Variants in PRSS54 observed in about 807,000 individuals in gnomAD.
PRSS54 encodes the protein serine protease 54, also known as inactive serine protease 54.
A neutral mutation model predicts 19.9 loss-of-function variants in PRSS54; 16 were observed. The ratio of observed to expected loss-of-function variants is 0.80; its 90% CI spans 0.54 to 1.22. PRSS54 has a LOEUF of 1.22. PRSS54 is among the 50% of genes most tolerant of loss of function. PRSS54 has a pLI of 0.00. For missense variants in PRSS54, 444 were observed against 494.8 expected (o/e 0.90, Z 0.97); for synonymous variants, 177 against 195.8 (o/e 0.90, Z 0.80).
chr16:58,284,226 CA>C (rs1205698461), intron 6 of PRSS54, among the ~76,000 whole-genome samples: 5 of 152,216 alleles, frequency 3.3e-5, no homozygotes, highest in African/African-American at 1.2e-4. Flanking sequence ...TAACTGATAG[CA>C]TCAGAGGGGA....
intron 4 of PRSS54, 38 bp from the exon 5 acceptor site, chr16:58,286,233 A>G (rs1964919280): frequency 1.9e-6 from 3 of 1,607,706 alleles, no homozygotes; most frequent in Non-Finnish European, 2.6e-6. Context: ...AAGCCAAGAC[A>G]GCAAGGAAGC....
intron 4 of PRSS54, among the ~76,000 whole-genome samples, chr16:58,290,046 T>C (rs1054947865): frequency 3.3e-5 from 5 of 149,888 alleles, no homozygotes; most frequent in African/African-American, 1.2e-4. Flanking sequence ...ATATACTATA[T>C]GTTACATATG....
At chr16:58,284,839 G>A (rs1011708059) in intron 5 of PRSS54, 118 bp from the exon 6 acceptor site, 2 of 1,117,060 alleles carry the variant, frequency 1.8e-6, no homozygotes, top group Non-Finnish European at 2.5e-6. Flanking sequence ...TTTTGAGTTG[G>A]AGTCTTGTTC....
At chr16:58,286,839 T>C (rs1478075308) in intron 4 of PRSS54, among the ~76,000 whole-genome samples, 1 of 152,098 alleles carries the variant, frequency 6.6e-6, no homozygotes, top group East Asian at 1.9e-4. Context: ...TAGATGACAC[T>C]GACTGCCACA....
At chr16:58,288,577 T>A (rs1484899729) in intron 4 of PRSS54, among the ~76,000 whole-genome samples, 1 of 152,154 alleles carries the variant, frequency 6.6e-6, no homozygotes, top group Non-Finnish European at 1.5e-5. Flanking sequence ...CATGGAGGGC[T>A]AGTTGGCAGT....
intron 6 of PRSS54, chr16:58,284,329 A>G (rs1440756517): frequency 2.8e-5 from 11 of 390,226 alleles, no homozygotes; most frequent in Non-Finnish European, 5.3e-5. Context: ...CAGACTTTCA[A>G]ATTTTTAGCT....
Position 58,280,136 on chromosome 16 carries a change from A to T in PRSS54, c.*88T>A. 7.3e-7 allele frequency: 1 copy of T among 1,376,932 alleles called. No individual in the cohort carries two copies. Among genetic ancestry groups the T allele is most frequent in the Non-Finnish European group, 1.0e-6 (1 of 1,000,458 alleles). 85.3% of individuals were successfully genotyped at this position (1,376,932 alleles called of 1,614,324 possible). ...TCCGTGGCAGCCCCAGTGTGCAACT[A>T]TCAAAAACAGACATCAAAACAGCAT... is the stretch of plus-strand genomic sequence containing the variant. On this transcript the variant is annotated 3_prime_UTR_variant, in exon 7 of 7. Transcript: ENST00000567164.
chr16:58,291,098 C>A lies in PRSS54; in HGVS notation c.124G>T (p.Asp42Tyr). 1 of 1,614,174 alleles carries A rather than the reference C, an allele frequency of 6.2e-7. No individual in the cohort carries two copies. Among genetic ancestry groups the A allele is most frequent in the Non-Finnish European group, 8.5e-7 (1 of 1,180,036 alleles). The stretch of plus-strand genomic sequence containing the variant: ...CTGCTGACCAAGCCCTCCTTGGGGT[C>A]AGGACCGTAGAAAACGGAAGCTTTC... ...VQKASVFYGP[D>Y]PKEGLVSSME... The change falls in exon 4 of 7, where the codon GAC (aspartate) becomes TAC (tyrosine). Residue 42 changes from aspartate (D) to tyrosine (Y), a missense_variant. Physicochemically the swap from Asp to Tyr is radical, Grantham distance 160. Transcript: ENST00000567164.
intron 3 of PRSS54, 105 bp downstream of exon 3, chr16:58,293,627 C>T (rs913316668): frequency 6.5e-7 from 1 of 1,534,898 alleles, no homozygotes; most frequent in Non-Finnish European, 8.8e-7. Flanking sequence ...AGTCATCTTC[C>T]CTGAGCCCCT....
chr16:58,280,786 C>T (rs769719792), intron 6 of PRSS54, 29 bp from the exon 7 acceptor site: 1 of 1,547,690 alleles, frequency 6.5e-7, no homozygotes, highest in Non-Finnish European at 8.7e-7. Context: ...GGCTTCAAGT[C>T]TTAGAAAAAC....
In PRSS54 at chr16:58,286,154, G is replaced by A; in HGVS notation, c.305C>T (p.Pro102Leu). 6.2e-7 allele frequency: 1 copy of A among 1,614,180 alleles called. No individual in the cohort carries two copies. The highest frequency in any genetic ancestry group is 8.5e-7 in the Non-Finnish European group (1 of 1,180,002). ...ATACTCTGTGTGAGCAATCTTGCTA[G>A]GATCCATGTTACTTATACCCACTAT... ...VVIVGISNMDPSKIAHTEYPV... is the reference protein window; with the variant it reads ...VVIVGISNMDLSKIAHTEYPV... Residue 102 changes from proline to leucine, a missense_variant, in exon 5 of 7, where the codon CCT (proline) becomes CTT (leucine). By Grantham distance (98) the Pro-to-Leu change is moderately conservative (BLOSUM62 -3). Coordinates refer to ENST00000567164, the MANE Select transcript of PRSS54 (RefSeq NM_001305173.2).
At chr16:58,289,422 C>T (rs1378383755) in intron 4 of PRSS54, among the ~76,000 whole-genome samples, 1 of 152,104 alleles carries the variant, frequency 6.6e-6, no homozygotes, top group East Asian at 1.9e-4. Context: ...TATAGATATC[C>T]ATGAGTGCTT....
chr16:58,291,079 A>G lies in PRSS54; in HGVS notation c.143T>C (p.Val48Ala). ...FYGPDPKEGL[V>A]SSMEFPWVVS... ...CACCCACGGGAACTCCATGCTGCTGACCAAGCCCTCCTTGGGGTCAGGACC... is the reference window on the plus strand; with the variant it reads ...CACCCACGGGAACTCCATGCTGCTGGCCAAGCCCTCCTTGGGGTCAGGACC... The change falls in exon 4 of 7, where the codon GTC becomes GCC. Residue 48 changes from valine to alanine, a missense_variant. By Grantham distance (64) the Val-to-Ala change is moderately conservative. Transcript: ENST00000567164. 6.2e-7 allele frequency: 1 copy of G among 1,614,160 alleles called. No individual in the cohort carries two copies. The highest frequency in any genetic ancestry group is 8.5e-7 in the Non-Finnish European group (1 of 1,180,018).
At chr16:58,293,508 C>G (rs76044279) in intron 3 of PRSS54, 2 of 982,174 alleles carry the variant, frequency 2.0e-6, no homozygotes, top group South Asian at 9.4e-5. Context: ...AACCACACTC[C>G]CACCCTAAGG....
chr16:58,293,467 C>T, intron 3 of PRSS54: 1 of 845,034 alleles, frequency 1.2e-6, no homozygotes, highest in South Asian at 5.4e-5. Flanking sequence ...GCCTCTTGCT[C>T]ACCCCTGTAC....
At chr16:58,287,716 G>A (rs533522902) in intron 4 of PRSS54, among the ~76,000 whole-genome samples, 1 of 152,184 alleles carries the variant, frequency 6.6e-6, no homozygotes, top group Non-Finnish European at 1.5e-5. Context: ...GATCTGAAGG[G>A]GCAGGTGGGG....
intron 6 of PRSS54, chr16:58,282,821 C>T (rs750342497): frequency 2.0e-5 from 3 of 152,194 alleles, no homozygotes; most frequent in Admixed American, 1.3e-4. Flanking sequence ...AGTGGTATAG[C>T]CAGAGCAAGA....
chr16:58,284,724 G>A lies in PRSS54; in HGVS notation c.523-3C>T, dbSNP rs374879868. On this transcript the variant is annotated splice_region_variant and splice_polypyrimidine_tract_variant and intron_variant, in intron 5 of 6. Coordinates refer to ENST00000567164, the MANE Select transcript of PRSS54 (RefSeq NM_001305173.2). Reference sequence around the variant, plus strand: ...CTCATCGTCATGTGATTTCCTGTCTGGACCATGCAACAGAGAGCCCAGGGA... The same window carrying A: ...CTCATCGTCATGTGATTTCCTGTCTAGACCATGCAACAGAGAGCCCAGGGA... 1.2e-5 allele frequency: 20 copies of A among 1,613,672 alleles called. No individual in the cohort carries two copies. In the African/African-American group the frequency reaches 2.7e-4, roughly 22 times the overall value.
chr16:58,293,670 G>T, intron 3 of PRSS54, 62 bp downstream of exon 3: 1 of 1,563,218 alleles, frequency 6.4e-7, no homozygotes, highest in East Asian at 2.4e-5. Context: ...CATCTTCCCG[G>T]ATGATCCCCT....
Sources: gnomAD v4.1 joint callset for allele counts (sites outside exome capture counted in the v4.1 genomes callset) on GRCh38, gnomAD v4.1.1 for gene constraint, MANE v1.5 for transcripts, NCBI Gene and HGNC (gene_info 2026-07-23, HGNC 2026-07-21) for gene names.